CD226: variants seen among roughly 807,000 people sequenced by gnomAD.
CD226 encodes the protein CD226 antigen.
CD226 carries 24 observed loss-of-function variants against 34.9 expected under a neutral mutation model. The ratio of observed to expected loss-of-function variants is 0.69; its 90% confidence interval spans 0.50 to 0.97. The LOEUF (loss-of-function observed/expected upper bound fraction) is 0.97. Among genes scored for constraint, CD226 ranks in the 50% least tolerant of loss-of-function variants. CD226 has a pLI of 0.00. For synonymous variants in CD226, 148 were observed against 147.4 expected, an observed-to-expected ratio of 1.00 and a Z score of -0.03; for missense variants, 397 against 412.7, an observed-to-expected ratio of 0.96 and a Z score of 0.33.
Position 69,856,080 on chromosome 18 carries a change from A to G in CD226, c.*8234T>C, listed in dbSNP as rs1236792578. The G allele has an allele frequency of 6.6e-6, 1 of 152,176 alleles. No homozygotes were observed. Among genetic ancestry groups the G allele is most frequent in the African/African-American group, 2.4e-5 (1 of 41,454 alleles). 9.4% of individuals were successfully genotyped at this position (152,176 alleles called of 1,614,324 possible). A position where few individuals can be genotyped will look rare whatever the true frequency, so the allele number is the denominator to read the frequency against. ...TATAAGAAAGGCACATTAAATATAA[A>G]TATTTAGATAATTTAAAATTAAAAG... On this transcript the variant is annotated 3_prime_UTR_variant, in exon 6 of 6. Coordinates refer to ENST00000582621, the MANE Select transcript of CD226 (RefSeq NM_001303618.2).
intron 3 of CD226, among the ~76,000 whole-genome samples, chr18:69,892,976 T>G (rs1984995974): frequency 6.6e-6 from 1 of 152,226 alleles, no homozygotes; most frequent in African/African-American, 2.4e-5. Context: ...TCTGCTTTAA[T>G]CTCCACATTG....
chr18:69,947,157 G>C, intron 1 of CD226, 88 bp from the exon 2 acceptor site: 4 of 1,132,606 alleles, frequency 3.5e-6, no homozygotes, highest in Non-Finnish European at 5.2e-6. Flanking sequence ...CTAGTGCATT[G>C]AGATCACAGT....
intron 3 of CD226, 114 bp downstream of exon 3, chr18:69,895,587 A>G: frequency 1.3e-6 from 1 of 772,800 alleles, no homozygotes; most frequent in Admixed American, 2.3e-5. Context: ...CATTTAAAAA[A>G]ATGCTGAATA....
rs1200843425 is a variant in CD226 at position 69,892,182 on chromosome 18, G to GT, written c.727+3518dup. ...TTATACTTATCAATAGCAAACAGAA[G>GT]TTTTTTCAATATTAGCCTCCTCCAG... On this transcript the variant is annotated intron_variant, in intron 3 of 5. Transcript: ENST00000582621. Among the ~76,000 whole-genome samples, 11 of 152,288 alleles carry GT rather than the reference G, an allele frequency of 7.2e-5. No individual in the cohort carries two copies. The East Asian group carries it at 2.1e-3, about 29-fold the overall frequency.
chr18:69,922,304 T>C (rs955843613), intron 2 of CD226, among the ~76,000 whole-genome samples: 1 of 152,184 alleles, frequency 6.6e-6, no homozygotes. Flanking sequence ...TTTTTTGAGA[T>C]AGGGTCTCAC....
In CD226 at chr18:69,923,879, A is replaced by G. The variant is rs371459409; in HGVS notation, c.382+22855T>C. Among the ~76,000 whole-genome samples the G allele has an allele frequency of 7.7e-3, 1,171 of 151,504 alleles. 15 individuals carry two copies. The highest frequency in any genetic ancestry group is 0.027 in the African/African-American group (1,107 of 41,224). On this transcript the variant is annotated intron_variant, in intron 2 of 5. Coordinates refer to ENST00000582621, the MANE Select transcript of CD226 (RefSeq NM_001303618.2). Reference sequence around the variant, plus strand: ...TGAGGCAGGAGAATGGCATGAACCCAGGAGGCGGAGCTTGCAGTGAGCCGA... The same window carrying G: ...TGAGGCAGGAGAATGGCATGAACCCGGGAGGCGGAGCTTGCAGTGAGCCGA...
chr18:69,867,306 T>C, intron 5 of CD226, 51 bp downstream of exon 5: 1 of 1,211,050 alleles, frequency 8.3e-7, no homozygotes, highest in Non-Finnish European at 1.2e-6. Context: ...GAGACTGACT[T>C]TGCATCTGTA....
At chr18:69,900,738 C>CAA (rs34436716) in intron 2 of CD226, among the ~76,000 whole-genome samples, 10,673 of 98,390 alleles carry the variant, frequency 0.11, 626 homozygotes, top group African/African-American at 0.17. Context: ...GACTCCGTCT[C>CAA]AAAAAAAAAA....
chr18:69,919,863 T>G (rs2055430291), intron 2 of CD226, among the ~76,000 whole-genome samples: 1 of 152,058 alleles, frequency 6.6e-6, no homozygotes. Flanking sequence ...TTTCATCTAC[T>G]TTTGTTGTCA....
At position 69,899,654 on chromosome 18, in the gene CD226, G is replaced by T. The variant is rs371874513; in HGVS notation, c.383-3609C>A. 6.8e-4 allele frequency among the ~76,000 whole-genome samples: 103 copies of T among 152,244 alleles called. 2 individuals are homozygous for T. The South Asian group carries it at 0.015, about 21-fold the overall frequency. On this transcript the variant is annotated intron_variant, in intron 2 of 5. Transcript: ENST00000582621. Reference sequence around the variant, plus strand: ...ACACTTCTCAAAAGAAGACATATACGTGGCCAACAAGCATATGACAAAAAG... The same window carrying T: ...ACACTTCTCAAAAGAAGACATATACTTGGCCAACAAGCATATGACAAAAAG...
At chr18:69,914,263 G>C (rs144008870) in intron 2 of CD226, among the ~76,000 whole-genome samples, 1 of 152,050 alleles carries the variant, frequency 6.6e-6, no homozygotes, top group African/African-American at 2.4e-5. Flanking sequence ...TGAGATCTTC[G>C]ACTGCTTCAA....
intron 3 of CD226, among the ~76,000 whole-genome samples, chr18:69,887,809 A>G (rs1353622684): frequency 6.6e-6 from 1 of 152,266 alleles, no homozygotes; most frequent in Non-Finnish European, 1.5e-5. Context: ...TGAATTTTAG[A>G]GTGCTCAATG....
rs569619896 is a variant in CD226, at chr18:69,881,430, C to T, written c.728-8184G>A. Among the ~76,000 whole-genome samples, 135 of 152,280 alleles carry T rather than the reference C, an allele frequency of 8.9e-4. 1 individual carries two copies. Among genetic ancestry groups the T allele is most frequent in the African/African-American group, 2.3e-3 (97 of 41,556 alleles). On this transcript the variant is annotated intron_variant, in intron 3 of 5. Coordinates refer to ENST00000582621, the MANE Select transcript of CD226 (RefSeq NM_001303618.2). The stretch of plus-strand genomic sequence containing the variant: ...TGGGGCCTAGTCCTGTCTTCTAATT[C>T]TTTCCCCTGGAAGACTTCACATAGG...
chr18:69,876,102 A>G (rs768129505), intron 3 of CD226, among the ~76,000 whole-genome samples: 31 of 152,224 alleles, frequency 2.0e-4, no homozygotes, highest in Non-Finnish European at 3.5e-4. Context: ...ATTATTTAAA[A>G]AAAAATTTAA....
intron 2 of CD226, among the ~76,000 whole-genome samples, chr18:69,901,013 A>G (rs10432228): frequency 0.33 from 50,712 of 152,032 alleles, 8,962 homozygotes; most frequent in Middle Eastern, 0.51. Flanking sequence ...TGGAAGTCAT[A>G]GCCTTGTCAA....
At chr18:69,897,526 C>T (rs981865685) in intron 2 of CD226, among the ~76,000 whole-genome samples, 16 of 151,834 alleles carry the variant, frequency 1.1e-4, no homozygotes, top group African/African-American at 3.9e-4. Flanking sequence ...GGGAGAAATG[C>T]AAAAAGTGGG....
rs1018130679 is a variant in CD226 at position 69,854,651 on chromosome 18, A to C, written c.*9663T>G. The C allele has an allele frequency of 6.6e-6, 1 of 152,364 alleles. No homozygotes were observed. Among genetic ancestry groups the C allele is most frequent in the Admixed American group, 6.5e-5 (1 of 15,282 alleles). The allele number at this position is 152,364 out of a possible 1,614,324, so 9.4% of individuals were successfully genotyped here. ...TAAGGAAAGAGGGAAAATAACAGTCAACAGGGGGCAGGCCTTCAAAGAAAT... is the reference window on the plus strand; with the variant it reads ...TAAGGAAAGAGGGAAAATAACAGTCCACAGGGGGCAGGCCTTCAAAGAAAT... On this transcript the variant is annotated 3_prime_UTR_variant, in exon 6 of 6. Coordinates refer to ENST00000582621, the MANE Select transcript of CD226 (RefSeq NM_001303618.2).
At chr18:69,882,261 ACTTT>A (rs556722726) in intron 3 of CD226, among the ~76,000 whole-genome samples, 4 of 152,322 alleles carry the variant, frequency 2.6e-5, no homozygotes, top group East Asian at 1.9e-4. Context: ...CAGGTGGGAA[ACTTT>A]CTTTATGTTG....
rs9973026 is a variant in CD226, at chr18:69,943,036, G to A, written c.382+3698C>T. Among the ~76,000 whole-genome samples the A allele has an allele frequency of 3.6e-3, 555 of 152,236 alleles. 2 individuals carry two copies. Among genetic ancestry groups the A allele is most frequent in the African/African-American group, 0.012 (508 of 41,534 alleles). The stretch of plus-strand genomic sequence containing the variant: ...CTGGCTCTTCAGAAAAATCAACTGG[G>A]GTCATTCTGGTGCTGCCACTTGGCA... On this transcript the variant is annotated intron_variant, in intron 2 of 5. Transcript: ENST00000582621.
Sources: gnomAD v4.1 joint callset for allele counts (sites outside exome capture counted in the v4.1 genomes callset) on GRCh38, gnomAD v4.1.1 for gene constraint, MANE v1.5 for transcripts, NCBI Gene and HGNC (gene_info 2026-07-23, HGNC 2026-07-21) for gene names.